MYO10: variants seen among roughly 807,000 people sequenced by gnomAD.
MYO10 encodes unconventional myosin-X.
Under a neutral mutation model 257.3 loss-of-function variants are expected in MYO10, and 133 were observed. The ratio of observed to expected loss-of-function variants is 0.52; its 90% CI spans 0.45 to 0.60. MYO10 has a LOEUF of 0.60. MYO10 is among the 20% of genes least tolerant of loss of function. The probability of loss-of-function intolerance (pLI) is 0.00; values close to 1 mark genes in which losing one functional copy is unlikely to be tolerated. For synonymous variants in MYO10, 1,104 were observed against 1,028.6 expected (o/e 1.07, Z -1.40); for missense variants, 2,399 against 2,635.7 (o/e 0.91, Z 1.97).
intron 19 of MYO10, among the ~76,000 whole-genome samples, chr5:16,714,985 G>A (rs1738786342): frequency 6.6e-6 from 1 of 152,094 alleles, no homozygotes; most frequent in South Asian, 2.1e-4. Context: ...GATTGTTTGT[G>A]ACACAAAGGA....
At chr5:16,925,341 G>C (rs1010308538) in intron 1 of MYO10, among the ~76,000 whole-genome samples, 5 of 152,248 alleles carry the variant, frequency 3.3e-5, no homozygotes, top group Admixed American at 3.3e-4. Flanking sequence ...GACTGAGAAG[G>C]AAAAGATTCA....
At chr5:16,874,555 G>T (rs894137854) in intron 2 of MYO10, among the ~76,000 whole-genome samples, 1 of 152,110 alleles carries the variant, frequency 6.6e-6, no homozygotes, top group African/African-American at 2.4e-5. Flanking sequence ...GGTGCAAAAT[G>T]CCAACAGTCT....
chr5:16,803,757 C>T (rs148597471), intron 3 of MYO10, among the ~76,000 whole-genome samples: 1 of 152,216 alleles, frequency 6.6e-6, no homozygotes, highest in African/African-American at 2.4e-5. Context: ...AAAGAAAGAA[C>T]CTGATTTCTT....
chr5:16,770,614 A>AT (rs1390123134), intron 9 of MYO10, among the ~76,000 whole-genome samples: 1 of 152,350 alleles, frequency 6.6e-6, no homozygotes, highest in Admixed American at 6.5e-5. Context: ...CTTGTTGGCA[A>AT]TATCGATGAA....
chr5:16,699,815 G>A (rs376659245), intron 25 of MYO10, among the ~76,000 whole-genome samples: 343 of 142,094 alleles, frequency 2.4e-3, no homozygotes, highest in African/African-American at 8.8e-3. Flanking sequence ...AAAGGGAAAA[G>A]GAAAAAGAAA....
chr5:16,934,640 T>C (rs1303128682), intron 1 of MYO10, among the ~76,000 whole-genome samples: 1 of 152,244 alleles, frequency 6.6e-6, no homozygotes, highest in African/African-American at 2.4e-5. Context: ...TAGTCTTCCT[T>C]CCACAATGAA....
chr5:16,823,488 G>A (rs1472788549), intron 2 of MYO10, among the ~76,000 whole-genome samples: 4 of 2,236 alleles, frequency 1.8e-3, no homozygotes, highest in Admixed American at 4.9e-3. Flanking sequence ...TTTTTTTTTT[G>A]TGAGACAGAG....
chr5:16,835,372 A>C (rs1743279996), intron 2 of MYO10, among the ~76,000 whole-genome samples: 1 of 152,030 alleles, frequency 6.6e-6, no homozygotes, highest in South Asian at 2.1e-4. Flanking sequence ...ATCTCTACTA[A>C]AAAATACAAA....
At position 16,877,610 on chromosome 5, in the gene MYO10, T is replaced by C. The variant is rs1449526262; in HGVS notation, c.119A>G (p.Gln40Arg). ...GIVVFRTDYGQVFTYKQSTIT... is the reference protein window; with the variant it reads ...GIVVFRTDYGRVFTYKQSTIT... ...GAAGCTGCAGGGACTTGTTCTCACC[T>C]GACCATAGTCTGTCCGGAAGACGAC... Residue 40 changes from glutamine (Q) to arginine (R), a missense_variant and splice_region_variant, in exon 2 of 41, where the codon CAG (glutamine) becomes CGG (arginine). Around this residue, in one of 3 missense-constraint regions of MYO10, gnomAD observed 242 missense variants for 249.5 expected, o/e 0.97. Coordinates refer to ENST00000513610, the MANE Select transcript of MYO10 (RefSeq NM_012334.3). 6.2e-7 allele frequency: 1 copy of C among 1,611,390 alleles called. No individual in the cohort carries two copies. Among genetic ancestry groups the C allele is most frequent in the African/African-American group, 1.3e-5 (1 of 75,000 alleles).
At chr5:16,904,669 C>T (rs1745472156) in intron 1 of MYO10, among the ~76,000 whole-genome samples, 1 of 152,078 alleles carries the variant, frequency 6.6e-6, no homozygotes, top group Admixed American at 6.5e-5. Context: ...GTGGCTCACG[C>T]CTGTAATCCC....
At position 16,818,414 on chromosome 5, in the gene MYO10, A is replaced by ATATATATATACACG. The variant is rs1561000934; in HGVS notation, c.121-248_121-247insCGTGTATATATATA. On this transcript the variant is annotated intron_variant, in intron 2 of 40. Transcript: ENST00000513610. Reference sequence around the variant, plus strand: ...TGTGTGTGTGTGTGTGTGTGTGTATATATATATATATACACATATCTTTGT... The same window carrying ATATATATATACACG: ...TGTGTGTGTGTGTGTGTGTGTGTATATATATATATACACGTATATATATATACACATATCTTTGT... 1.7e-4 allele frequency among the ~76,000 whole-genome samples: 23 copies of ATATATATATACACG among 138,250 alleles called. 2 individuals carry two copies. The highest frequency in any genetic ancestry group is 7.6e-3 in the Middle Eastern group (2 of 262). The allele number at this position is 138,250 out of a possible 152,430, so 90.7% of individuals were successfully genotyped here.
intron 34 of MYO10, among the ~76,000 whole-genome samples, chr5:16,675,738 AAAAAAC>A (rs1736694674): frequency 6.6e-6 from 1 of 152,092 alleles, no homozygotes; most frequent in Non-Finnish European, 1.5e-5. Flanking sequence ...ACTCTGTCTC[AAAAAAC>A]AAAAACAAAA....
intron 34 of MYO10, among the ~76,000 whole-genome samples, chr5:16,675,558 C>G (rs577303523): frequency 1.3e-5 from 2 of 152,026 alleles, no homozygotes; most frequent in South Asian, 4.2e-4. Flanking sequence ...GGCAATATGG[C>G]GAAACCCTGT....
At position 16,925,083 on chromosome 5, in the gene MYO10, G is replaced by A. The variant is rs190674589; in HGVS notation, c.21+10705C>T. ...CCTGACCTCGTGATCCGCCTGCCTCGGCCTCCCAAAGTGCTGGGATTACAG... is the reference window on the plus strand; with the variant it reads ...CCTGACCTCGTGATCCGCCTGCCTCAGCCTCCCAAAGTGCTGGGATTACAG... On this transcript the variant is annotated intron_variant, in intron 1 of 40. Transcript: ENST00000513610. Among the ~76,000 whole-genome samples, 163 of 151,930 alleles carry A rather than the reference G, an allele frequency of 1.1e-3. 4 individuals carry two copies. In the East Asian group the frequency reaches 0.029, roughly 27 times the overall value.
chr5:16,907,325 A>C (rs1445036246), intron 1 of MYO10, among the ~76,000 whole-genome samples: 1 of 152,054 alleles, frequency 6.6e-6, no homozygotes, highest in East Asian at 1.9e-4. Context: ...CTGCCTCTCA[A>C]ATGGGAGGCA....
intron 29 of MYO10, among the ~76,000 whole-genome samples, chr5:16,684,598 G>A (rs1737158901): frequency 6.6e-6 from 1 of 152,168 alleles, no homozygotes; most frequent in African/African-American, 2.4e-5. Flanking sequence ...TCTTTCAATA[G>A]TACAAATTTC....
chr5:16,844,532 G>C (rs1743573302), intron 2 of MYO10, among the ~76,000 whole-genome samples: 1 of 152,042 alleles, frequency 6.6e-6, no homozygotes, highest in Admixed American at 6.6e-5. Flanking sequence ...CTCTTTGCTA[G>C]TTAATCTACC....
chr5:16,742,635 C>T (rs1414456869), intron 19 of MYO10, among the ~76,000 whole-genome samples: 5 of 151,860 alleles, frequency 3.3e-5, no homozygotes, highest in Non-Finnish European at 7.4e-5. Context: ...GCCTGGCCAA[C>T]ATGGTGAAAT....
At chr5:16,912,168 G>T (rs755953288) in intron 1 of MYO10, among the ~76,000 whole-genome samples, 4 of 152,188 alleles carry the variant, frequency 2.6e-5, no homozygotes, top group Non-Finnish European at 5.9e-5. Context: ...GAAGCCAAAA[G>T]ATTGGACACC....
Sources: allele counts gnomAD v4.1 joint callset (sites outside exome capture counted in the v4.1 genomes callset), GRCh38; gene constraint gnomAD v4.1.1; regional missense constraint gnomAD v4.1.1; transcripts MANE v1.5; gene names NCBI Gene and HGNC (gene_info 2026-07-23, HGNC 2026-07-21).